ZNF536: variants seen among roughly 807,000 people sequenced by gnomAD.
ZNF536 encodes the protein zinc finger protein 536.
In ZNF536, 13 loss-of-function variants were observed where a neutral mutation model predicts 84.5. The ratio of observed to expected loss-of-function variants is 0.15; its 90% CI spans 0.10 to 0.24. ZNF536 has a LOEUF of 0.24. ZNF536 is among the 10% of genes least tolerant of loss of function. The pLI, the probability that ZNF536 is intolerant of heterozygous loss-of-function variation, is 1.00. For missense variants in ZNF536, 1,536 were observed against 1,747.5 expected (o/e 0.88, Z 2.16); for synonymous variants, 811 against 742.5 (o/e 1.09, Z -1.50).
At chr19:30,598,720 A>T (rs1415239707) in intron 1 of ZNF536, among the ~76,000 whole-genome samples, 1 of 152,168 alleles carries the variant, frequency 6.6e-6, no homozygotes, top group Non-Finnish European at 1.5e-5. Flanking sequence ...TCATTGTGAA[A>T]AACCAACAGG....
intron 1 of ZNF536, among the ~76,000 whole-genome samples, chr19:30,584,739 A>G (rs1191361141): frequency 6.6e-6 from 1 of 152,126 alleles, no homozygotes; most frequent in Non-Finnish European, 1.5e-5. Context: ...CTTTGTTTGT[A>G]TGTTCTAATT....
intron 1 of ZNF536, among the ~76,000 whole-genome samples, chr19:30,277,723 A>T (rs532737191): frequency 2.6e-5 from 4 of 152,222 alleles, no homozygotes; most frequent in Non-Finnish European, 5.9e-5. Flanking sequence ...GCCTGATGGC[A>T]GCGTGTCCGT....
At chr19:30,498,668 AAGACAG>A (rs2054821616) in intron 2 of ZNF536, among the ~76,000 whole-genome samples, 1 of 152,238 alleles carries the variant, frequency 6.6e-6, no homozygotes, top group Non-Finnish European at 1.5e-5. Context: ...ATAACTGCTG[AAGACAG>A]AGAGGAATGC....
At chr19:30,225,987 C>T (rs1304584676), upstream of ZNF536, among the ~76,000 whole-genome samples, 1 of 151,752 alleles carries the variant, frequency 6.6e-6, no homozygotes, top group Non-Finnish European at 1.5e-5. Context: ...GCGGCTGCGG[C>T]CGGGCATCGT....
At chr19:30,623,812 C>T (rs576152897) in intron 1 of ZNF536, among the ~76,000 whole-genome samples, 1 of 152,298 alleles carries the variant, frequency 6.6e-6, no homozygotes, top group East Asian at 1.9e-4. Context: ...GGGGTGTTAT[C>T]TGTTTTGTTT....
At position 30,288,767 on chromosome 19, in the gene ZNF536, A is replaced by G. The variant is rs142088572; in HGVS notation, c.-120+4626A>G. On this transcript the variant is annotated intron_variant, in intron 2 of 5. Transcript: ENST00000585628. ...GATTACACTGTGTGATGCACTTAAA[A>G]CACTGCCTGGTTCAAAGTAGGCATT... is the stretch of plus-strand genomic sequence containing the variant. Among the ~76,000 whole-genome samples the G allele has an allele frequency of 8.5e-5, 13 of 152,260 alleles. No homozygotes were observed. The East Asian group carries it at 2.5e-3, about 29-fold the overall frequency.
intron 1 of ZNF536, among the ~76,000 whole-genome samples, chr19:30,695,862 C>T (rs1463792258): frequency 2.6e-5 from 4 of 152,066 alleles, no homozygotes; most frequent in East Asian, 1.9e-4. Flanking sequence ...TGCTAAATTC[C>T]GTGCATCCTT....
chr19:30,516,774 A>C (rs1261431264), intron 2 of ZNF536, among the ~76,000 whole-genome samples: 1 of 152,170 alleles, frequency 6.6e-6, no homozygotes, highest in Non-Finnish European at 1.5e-5. Flanking sequence ...TTAGAGACGG[A>C]GTGTGCCGGG....
chr19:30,480,636 A>G (rs2054040518), intron 2 of ZNF536, among the ~76,000 whole-genome samples: 1 of 152,208 alleles, frequency 6.6e-6, no homozygotes. Flanking sequence ...TGATAGGTGC[A>G]GCAAACCACC....
At chr19:30,243,648 A>T (rs1457362931) in intron 1 of ZNF536, among the ~76,000 whole-genome samples, 1 of 152,222 alleles carries the variant, frequency 6.6e-6, no homozygotes, top group Non-Finnish European at 1.5e-5. Context: ...TTCCAACAAT[A>T]GGTAGGATAA....
At chr19:30,234,254 G>A (rs1159939572) in intron 1 of ZNF536, among the ~76,000 whole-genome samples, 1 of 152,098 alleles carries the variant, frequency 6.6e-6, no homozygotes, top group Non-Finnish European at 1.5e-5. Flanking sequence ...GTTCAGTTGG[G>A]TCTTTGATTA....
At chr19:30,226,369 C>T (rs1456148551), upstream of ZNF536, among the ~76,000 whole-genome samples, 1 of 152,046 alleles carries the variant, frequency 6.6e-6, no homozygotes, top group Non-Finnish European at 1.5e-5. The surrounding 1 kb of genome is among the most constrained non-coding windows in gnomAD (Gnocchi z 4.6). Context: ...CCGGCCCCTC[C>T]GCCCGTGGAG....
intron 1 of ZNF536, among the ~76,000 whole-genome samples, chr19:30,664,355 A>G (rs1198282890): frequency 6.6e-6 from 1 of 151,398 alleles, no homozygotes; most frequent in Non-Finnish European, 1.5e-5. Context: ...AACTGTAATA[A>G]CCCTGACCTT....
At chr19:30,244,758 G>T (rs928112844) in intron 1 of ZNF536, among the ~76,000 whole-genome samples, 2 of 152,196 alleles carry the variant, frequency 1.3e-5, no homozygotes, top group African/African-American at 4.8e-5. Context: ...CCAGCGTCTG[G>T]CCAGGATCGG....
At chr19:30,547,200 C>T (rs1351419092) in intron 3 of ZNF536, among the ~76,000 whole-genome samples, 1 of 152,038 alleles carries the variant, frequency 6.6e-6, no homozygotes, top group Non-Finnish European at 1.5e-5. Flanking sequence ...ATATTTTGTG[C>T]CTTTTTATTA....
chr19:30,515,886 G>T (rs2055617975), intron 2 of ZNF536, among the ~76,000 whole-genome samples: 1 of 151,864 alleles, frequency 6.6e-6, no homozygotes, highest in African/African-American at 2.4e-5. Context: ...AATTAGCAGG[G>T]CGTGGTGGGA....
chr19:30,402,353 T>C (rs756470552), intron 1 of ZNF536, among the ~76,000 whole-genome samples: 6 of 152,104 alleles, frequency 3.9e-5, no homozygotes, highest in Non-Finnish European at 7.4e-5. Context: ...AAACAGCAAT[T>C]ATTTCTTACT....
At chr19:30,240,446 T>A (rs150211872) in intron 1 of ZNF536, among the ~76,000 whole-genome samples, 2 of 152,044 alleles carry the variant, frequency 1.3e-5, no homozygotes, top group Non-Finnish European at 2.9e-5. Flanking sequence ...GGGGACTGTA[T>A]CTCTTCAAGG....
At chr19:30,381,309 C>T (rs1351776590) in intron 1 of ZNF536, among the ~76,000 whole-genome samples, 6 of 152,158 alleles carry the variant, frequency 3.9e-5, no homozygotes, top group Non-Finnish European at 8.8e-5. Flanking sequence ...AGGCAAGTTC[C>T]TTGTTTAAGT....
Sources: gnomAD v4.1 joint callset for allele counts (sites outside exome capture counted in the v4.1 genomes callset) on GRCh38, gnomAD v4.1.1 for gene constraint, Gnocchi (gnomAD v3.1) non-coding constraint, MANE v1.5 for transcripts, NCBI Gene and HGNC (gene_info 2026-07-23, HGNC 2026-07-21) for gene names.